The following TPP2 variants were observed in gnomAD, a reference collection of about 807,000 sequenced individuals.
TPP2 encodes the protein tripeptidyl peptidase 2.
In TPP2, 34 loss-of-function variants were observed where a neutral mutation model predicts 155.9. The observed-to-expected ratio is 0.22, with a 90% CI of 0.17 to 0.29. TPP2 has a LOEUF of 0.29. Ranked by LOEUF, TPP2 falls within the 10% of genes least tolerant of loss-of-function variation. The pLI, the probability that TPP2 is intolerant of heterozygous loss-of-function variation, is 1.00. For missense variants in TPP2, 1,028 were observed against 1,522.3 expected, an observed-to-expected ratio of 0.68 and a Z score of 5.40; for synonymous variants, 510 against 529.4, an observed-to-expected ratio of 0.96 and a Z score of 0.50.
At chr13:102,602,591 C>T (rs1447874916) in intron 1 of TPP2, among the ~76,000 whole-genome samples, 1 of 152,124 alleles carries the variant, frequency 6.6e-6, no homozygotes, top group Non-Finnish European at 1.5e-5. Flanking sequence ...GTCCACCAAC[C>T]ACCCATTTGC....
In TPP2 at chr13:102,651,284, A is replaced by G. The variant is rs1883470307; in HGVS notation, c.2953-75A>G. The G allele has an allele frequency of 6.0e-6, 9 of 1,501,028 alleles. No individual in the cohort carries two copies. The South Asian group carries it at 8.8e-5, about 15-fold the overall frequency. The allele number at this position is 1,501,028 out of a possible 1,614,324, so 93.0% of individuals were successfully genotyped here. On this transcript the variant is annotated intron_variant, in intron 23 of 29. Transcript: ENST00000376052. ...ACAGGTGGAACATAAACTGAAAGAC[A>G]ATTAGACAGAGGTTCTGTCTCCATC...
At chr13:102,599,215 A>G (rs1022837917) in intron 1 of TPP2, among the ~76,000 whole-genome samples, 2 of 152,212 alleles carry the variant, frequency 1.3e-5, no homozygotes, top group Non-Finnish European at 2.9e-5. Flanking sequence ...TTCATCACCA[A>G]CTATTTGGAG....
chr13:102,617,494 C>T (rs1339779433), intron 4 of TPP2, among the ~76,000 whole-genome samples: 1 of 152,284 alleles, frequency 6.6e-6, no homozygotes, highest in African/African-American at 2.4e-5. Flanking sequence ...TTGTGATAGC[C>T]TTTACATGAT....
intron 5 of TPP2, 44 bp downstream of exon 5, chr13:102,618,890 C>A: frequency 6.4e-7 from 1 of 1,563,704 alleles, no homozygotes; most frequent in Non-Finnish European, 8.6e-7. Context: ...CAAATGTTTT[C>A]TTTTCTACTC....
intron 21 of TPP2, among the ~76,000 whole-genome samples, chr13:102,648,429 CGT>C (rs56934655): frequency 7.0e-3 from 1,029 of 148,016 alleles, no homozygotes; most frequent in East Asian, 0.017. Context: ...ATAAGTTACA[CGT>C]GTGTGTGTGT....
intron 17 of TPP2, among the ~76,000 whole-genome samples, chr13:102,643,772 T>C (rs957388916): frequency 6.6e-6 from 1 of 152,238 alleles, no homozygotes; most frequent in African/African-American, 2.4e-5. Context: ...ATAGGAAAAC[T>C]GCTACTGCTT....
At chr13:102,637,008 G>T in intron 13 of TPP2, 74 bp from the exon 14 acceptor site, 1 of 1,488,808 alleles carries the variant, frequency 6.7e-7, no homozygotes, top group East Asian at 2.4e-5. Flanking sequence ...AATTTTTTTG[G>T]AAAGATGTAA....
At position 102,641,304 on chromosome 13, in the gene TPP2, C is replaced by G. The variant is rs191830652; in HGVS notation, c.2020+928C>G. On this transcript the variant is annotated intron_variant, in intron 16 of 29. Coordinates refer to ENST00000376052, the MANE Select transcript of TPP2 (RefSeq NM_001330588.2). Reference sequence around the variant, plus strand: ...TCCCATTGATAGAAGGAAGCAAATACGGGCAGTCAAGAAAGTGTCACCCAA... The same window carrying G: ...TCCCATTGATAGAAGGAAGCAAATAGGGGCAGTCAAGAAAGTGTCACCCAA... Among the ~76,000 whole-genome samples, 5 of 152,256 alleles carry G rather than the reference C, an allele frequency of 3.3e-5. No homozygotes were observed. In the East Asian group the frequency reaches 5.8e-4, roughly 18 times the overall value.
At chr13:102,632,070 G>A (rs192577034) in intron 10 of TPP2, among the ~76,000 whole-genome samples, 4 of 152,220 alleles carry the variant, frequency 2.6e-5, no homozygotes, top group African/African-American at 7.2e-5. Flanking sequence ...CCTGGCCAAC[G>A]TGGTGAAATC....
intron 2 of TPP2, among the ~76,000 whole-genome samples, chr13:102,609,458 C>T (rs569714415): frequency 3.9e-5 from 5 of 127,192 alleles, no homozygotes; most frequent in African/African-American, 6.3e-5. Flanking sequence ...AGTGCAATGG[C>T]GCGATCTCAA....
At chr13:102,617,998 G>A (rs1285963752) in intron 4 of TPP2, among the ~76,000 whole-genome samples, 1 of 152,072 alleles carries the variant, frequency 6.6e-6, no homozygotes, top group Non-Finnish European at 1.5e-5. Flanking sequence ...GTATTTATAT[G>A]CCTTTCTATC....
rs1323475424 is a variant in TPP2 at position 102,674,417 on chromosome 13, G to A, written c.3506G>A (p.Gly1169Glu). ...STDAEGKEEE[G>E]ESPLDSLAET... is the part of the protein sequence containing the mutation. ...GATGCAGAAGGAAAGGAGGAGGAAG[G>A]AGAAAGTCCTTTGGATTCTCTGGCA... The change falls in exon 28 of 30, where the codon GGA becomes GAA. Residue 1169 changes from glycine (G) to glutamate (E), a missense_variant. Gly to Glu is a moderately conservative substitution (Grantham distance 98, BLOSUM62 -2). Around this residue, in one of 7 missense-constraint regions of TPP2, gnomAD observed 116 missense variants for 117.3 expected, o/e 0.99. Transcript: ENST00000376052. 6.2e-7 allele frequency: 1 copy of A among 1,613,968 alleles called. No homozygotes were observed. Among genetic ancestry groups the A allele is most frequent in the Non-Finnish European group, 8.5e-7 (1 of 1,179,876 alleles).
Position 102,596,995 on chromosome 13 carries a change from G to A in TPP2, c.-44G>A. On this transcript the variant is annotated 5_prime_UTR_variant, in exon 1 of 30. Transcript: ENST00000376052. ...GTGTCCTCGCGCTGCTAGTCCGCGCGCAGCCTGGCAGTTTGCCGCTTCCTC... is the reference window on the plus strand; with the variant it reads ...GTGTCCTCGCGCTGCTAGTCCGCGCACAGCCTGGCAGTTTGCCGCTTCCTC... The A allele has an allele frequency of 1.3e-6, 2 of 1,597,098 alleles. No homozygotes were observed. Among genetic ancestry groups the A allele is most frequent in the Non-Finnish European group, 1.7e-6 (2 of 1,172,478 alleles).
chr13:102,658,597 C>T (rs553913073), intron 25 of TPP2, among the ~76,000 whole-genome samples: 2 of 152,274 alleles, frequency 1.3e-5, no homozygotes, highest in East Asian at 3.9e-4. Flanking sequence ...GTCCAAAGGA[C>T]ATTGAGCAAA....
rs955389192 is a variant in TPP2, at chr13:102,643,306, G to A, written c.2105G>A (p.Arg702Gln). 3 of 1,613,140 alleles carry A rather than the reference G, an allele frequency of 1.9e-6. No homozygotes were observed. The highest frequency in any genetic ancestry group is 1.3e-5 in the African/African-American group (1 of 74,870). ...CAGCTTGTGAAGCAAAGAGCATATC[G>A]AAGCCATGAATTCTATAAGTTTTGT... Reference protein sequence around the residue: ...AVQLVKQRAYRSHEFYKFCSL... With the variant: ...AVQLVKQRAYQSHEFYKFCSL... Residue 702 changes from arginine to glutamine, a missense_variant, in exon 17 of 30, where the codon CGA becomes CAA. This residue lies in a region of TPP2 where 325 missense variants were observed against 463.7 expected (regional missense o/e 0.70). Transcript: ENST00000376052.
chr13:102,609,558 C>T lies in TPP2; in HGVS notation c.295-4543C>T, dbSNP rs569516284. Among the ~76,000 whole-genome samples the T allele has an allele frequency of 1.3e-4, 20 of 151,866 alleles. 1 individual carries two copies. The South Asian group carries it at 3.8e-3, about 29-fold the overall frequency. On this transcript the variant is annotated intron_variant, in intron 2 of 29. Transcript: ENST00000376052. Reference sequence around the variant, plus strand: ...GATTACAGGTGTCTGCCACCACACCCGGCTAATTTTGTATTTTTAGTAGAG... The same window carrying T: ...GATTACAGGTGTCTGCCACCACACCTGGCTAATTTTGTATTTTTAGTAGAG...
At chr13:102,614,433 C>T (rs1998957) in intron 3 of TPP2, among the ~76,000 whole-genome samples, 37,920 of 152,096 alleles carry the variant, frequency 0.25, 5,306 homozygotes, top group East Asian at 0.45. Context: ...TCTGTGAATA[C>T]ACTGAAATTA....
intron 8 of TPP2, among the ~76,000 whole-genome samples, chr13:102,628,132 C>T (rs953713947): frequency 4.6e-5 from 7 of 152,120 alleles, no homozygotes; most frequent in Non-Finnish European, 7.3e-5. Context: ...ACATCTGTGA[C>T]GATGTTAATG....
chr13:102,612,596 A>T (rs1880405181), intron 2 of TPP2, among the ~76,000 whole-genome samples: 1 of 152,198 alleles, frequency 6.6e-6, no homozygotes, highest in Non-Finnish European at 1.5e-5. Context: ...GCTTTACTCT[A>T]ACTTGGCTAA....
Sources: gnomAD v4.1 joint callset for allele counts (sites outside exome capture counted in the v4.1 genomes callset) on GRCh38, gnomAD v4.1.1 for gene constraint, gnomAD v4.1.1 regional missense constraint, MANE v1.5 for transcripts, NCBI Gene and HGNC (gene_info 2026-07-23, HGNC 2026-07-21) for gene names.